The following PIERCE2 variants were observed in gnomAD, a reference collection of about 807,000 sequenced individuals.
PIERCE2 encodes the protein piercer of microtubule wall 2.
At chr15:55,415,520 C>T in the PIERCE2 span, among the ~76,000 whole-genome samples, 1 of 151,946 alleles carries the variant, frequency 6.6e-6, no homozygotes, top group South Asian at 2.1e-4. Context: ...GGCAAGAATC[C>T]CGTCTCCAAC....
chr15:55,417,202 A>T, the PIERCE2 span, among the ~76,000 whole-genome samples: 1 of 152,154 alleles, frequency 6.6e-6, no homozygotes, highest in South Asian at 2.1e-4. Context: ...TTTTAAACAC[A>T]GTCAACAAAA....
the PIERCE2 span, among the ~76,000 whole-genome samples, chr15:55,414,712 C>G: frequency 6.7e-6 from 1 of 150,294 alleles, no homozygotes; most frequent in Non-Finnish European, 1.5e-5. Context: ...AACCCCATCT[C>G]TACTAAAATA....
chr15:55,415,639 T>A, the PIERCE2 span, among the ~76,000 whole-genome samples: 4 of 152,214 alleles, frequency 2.6e-5, no homozygotes, highest in Non-Finnish European at 5.9e-5. Flanking sequence ...GGTACGTGAC[T>A]GGGGGCTGCA....
the PIERCE2 span, among the ~76,000 whole-genome samples, chr15:55,415,521 C>T: frequency 6.6e-6 from 1 of 152,014 alleles, no homozygotes; most frequent in Admixed American, 6.6e-5. Context: ...GCAAGAATCC[C>T]GTCTCCAACA....
the PIERCE2 span, among the ~76,000 whole-genome samples, chr15:55,412,911 C>T: frequency 6.6e-6 from 1 of 152,122 alleles, no homozygotes; most frequent in Non-Finnish European, 1.5e-5. Flanking sequence ...AGGAGGATTG[C>T]TTGAGACCAG....
chr15:55,414,334 C>G, the PIERCE2 span, among the ~76,000 whole-genome samples: 1 of 151,558 alleles, frequency 6.6e-6, no homozygotes, highest in Non-Finnish European at 1.5e-5. Context: ...CTCAGCCTCC[C>G]GAGTAGCTGG....
chr15:55,414,106 C>A, the PIERCE2 span, among the ~76,000 whole-genome samples: 1 of 151,620 alleles, frequency 6.6e-6, no homozygotes, highest in Non-Finnish European at 1.5e-5. Flanking sequence ...ACCGCGTTAG[C>A]CAGGATGGTC....
chr15:55,412,653 C>G, the PIERCE2 span, among the ~76,000 whole-genome samples: 1 of 152,022 alleles, frequency 6.6e-6, no homozygotes, highest in Non-Finnish European at 1.5e-5. Flanking sequence ...ACCTGAAGTC[C>G]CACCTTGAGA....
the PIERCE2 span, chr15:55,410,838 G>A: frequency 6.6e-6 from 1 of 152,050 alleles, no homozygotes; most frequent in Non-Finnish European, 1.5e-5. Context: ...CCTGTGCTGA[G>A]GAAACCTAGA....
the PIERCE2 span, among the ~76,000 whole-genome samples, chr15:55,411,512 G>A: frequency 1.1e-4 from 16 of 151,844 alleles, 1 homozygote; most frequent in South Asian, 2.1e-4. Context: ...TTGGCCAGGC[G>A]CAGTGGCTCA....
the PIERCE2 span, among the ~76,000 whole-genome samples, chr15:55,410,280 TG>T: frequency 1.3e-5 from 2 of 152,218 alleles, no homozygotes; most frequent in African/African-American, 2.4e-5. Context: ...TTCTGCATTA[TG>T]TTTTGAGCCA....
At chr15:55,408,544 A>T in the PIERCE2 span, 1 of 389,052 alleles carries the variant, frequency 2.6e-6, no homozygotes, top group East Asian at 3.8e-5. Context: ...TGCTATGGTT[A>T]CGAGTTGCAA....
the PIERCE2 span, among the ~76,000 whole-genome samples, chr15:55,415,088 T>G: frequency 6.6e-6 from 1 of 152,162 alleles, no homozygotes; most frequent in African/African-American, 2.4e-5. Context: ...CTTAACTATT[T>G]AAGAAAATAA....
chr15:55,414,779 G>C, the PIERCE2 span, among the ~76,000 whole-genome samples: 1 of 152,166 alleles, frequency 6.6e-6, no homozygotes, highest in African/African-American at 2.4e-5. Flanking sequence ...TTGGGAGGCT[G>C]AGGCATGAGA....
the PIERCE2 span, among the ~76,000 whole-genome samples, chr15:55,414,078 T>C: frequency 6.6e-6 from 1 of 151,608 alleles, no homozygotes; most frequent in Admixed American, 6.6e-5. Context: ...TTTGTATTTT[T>C]AGTAGAGACA....
chr15:55,410,634 A>G, the PIERCE2 span: 2 of 152,422 alleles, frequency 1.3e-5, no homozygotes, highest in East Asian at 3.9e-4. Flanking sequence ...AGGCAACAAG[A>G]GCAAAACTCC....
the PIERCE2 span, among the ~76,000 whole-genome samples, chr15:55,410,295 C>G: frequency 6.6e-6 from 1 of 152,108 alleles, no homozygotes; most frequent in African/African-American, 2.4e-5. Flanking sequence ...TGAGCCAAAG[C>G]TGAACGAAAT....
chr15:55,408,798 C>G, the PIERCE2 span: 1 of 1,517,754 alleles, frequency 6.6e-7, no homozygotes, highest in Non-Finnish European at 8.8e-7. Context: ...TGAGTTTAGG[C>G]AGAGGGCTAG....
At chr15:55,416,236 G>C in the PIERCE2 span, among the ~76,000 whole-genome samples, 2 of 151,978 alleles carry the variant, frequency 1.3e-5, no homozygotes. Flanking sequence ...CGAGTAGCTG[G>C]GACTACAGGC....
Sources: allele counts gnomAD v4.1 joint callset (sites outside exome capture counted in the v4.1 genomes callset), GRCh38; gene constraint gnomAD v4.1.1; transcripts MANE v1.5; gene names NCBI Gene and HGNC (gene_info 2026-07-23, HGNC 2026-07-21).